The following VPS13D variants were observed in gnomAD, a reference collection of about 807,000 sequenced individuals.
The protein encoded by VPS13D is intermembrane lipid transfer protein VPS13D.
A neutral mutation model predicts 461.9 loss-of-function variants in VPS13D; 187 were observed. The observed-to-expected ratio is 0.40, with a 90% CI of 0.36 to 0.46. The LOEUF (loss-of-function observed/expected upper bound fraction) is 0.46. Among genes scored for constraint, VPS13D ranks in the 20% least tolerant of loss-of-function variants. VPS13D has a pLI of 0.60. For missense variants in VPS13D, 4,711 were observed against 5,364.9 expected (o/e 0.88, Z 3.81); for synonymous variants, 1,951 against 1,986.3 (o/e 0.98, Z 0.47).
chr1:12,388,768 T>C (rs1644383948), intron 60 of VPS13D, among the ~76,000 whole-genome samples: 1 of 151,886 alleles, frequency 6.6e-6, no homozygotes, highest in African/African-American at 2.4e-5. Context: ...TCAAATTGTA[T>C]AAAAAAGCAA....
chr1:12,321,736 C>T (rs1040513697), intron 32 of VPS13D, 73 bp from the exon 33 acceptor site: 2 of 1,482,694 alleles, frequency 1.3e-6, no homozygotes, highest in Admixed American at 4.5e-5. Context: ...TCTGAGATAG[C>T]CTCTTTGTGC....
intron 48 of VPS13D, 106 bp from the exon 49 acceptor site, chr1:12,356,292 T>G (rs1643885186): frequency 2.1e-6 from 3 of 1,448,316 alleles, no homozygotes; most frequent in Non-Finnish European, 2.8e-6. Context: ...CTAAATAGAT[T>G]CAGTTTTCAC....
intron 54 of VPS13D, among the ~76,000 whole-genome samples, chr1:12,371,868 T>C (rs1224482096): frequency 6.6e-6 from 1 of 152,210 alleles, no homozygotes; most frequent in Non-Finnish European, 1.5e-5. Flanking sequence ...GTACTTGTTT[T>C]CAATTCTTTT....
chr1:12,239,758 A>G (rs1640284527), intron 2 of VPS13D, among the ~76,000 whole-genome samples: 1 of 152,080 alleles, frequency 6.6e-6, no homozygotes, highest in Non-Finnish European at 1.5e-5. Flanking sequence ...GAAATGACCT[A>G]CCTCTAAATT....
intron 49 of VPS13D, 115 bp downstream of exon 49, chr1:12,356,639 T>C: frequency 7.3e-7 from 1 of 1,362,890 alleles, no homozygotes; most frequent in African/African-American, 1.5e-5. Flanking sequence ...CAATCCTGAC[T>C]TGGCAGGGGA....
intron 55 of VPS13D, among the ~76,000 whole-genome samples, chr1:12,376,908 G>T (rs1404309536): frequency 6.6e-6 from 1 of 152,178 alleles, no homozygotes; most frequent in Non-Finnish European, 1.5e-5. Flanking sequence ...GAATCAGGCT[G>T]CAGAGATTCA....
intron 32 of VPS13D, 134 bp from the exon 33 acceptor site, chr1:12,321,675 A>G: frequency 1.1e-6 from 1 of 951,082 alleles, no homozygotes; most frequent in Non-Finnish European, 1.5e-6. Context: ...TCTTCACAGT[A>G]TTTATTTCAG....
At chr1:12,439,990 T>C (rs1445482164) in intron 65 of VPS13D, among the ~76,000 whole-genome samples, 1 of 152,222 alleles carries the variant, frequency 6.6e-6, no homozygotes, top group African/African-American at 2.4e-5. Context: ...GCTCTATGAA[T>C]TTGTATGCAC....
intron 14 of VPS13D, among the ~76,000 whole-genome samples, chr1:12,267,233 T>A (rs1641300233): frequency 6.6e-6 from 1 of 152,212 alleles, no homozygotes; most frequent in Non-Finnish European, 1.5e-5. Flanking sequence ...TATTTTGCTC[T>A]GATTTGGAAG....
chr1:12,234,632 T>G (rs1311545089), intron 2 of VPS13D, among the ~76,000 whole-genome samples: 1 of 152,244 alleles, frequency 6.6e-6, no homozygotes, highest in Non-Finnish European at 1.5e-5. Context: ...CAGTTAACTT[T>G]TAGCTTTATG....
chr1:12,230,988 C>T (rs528100843), intron 1 of VPS13D, among the ~76,000 whole-genome samples: 7 of 152,266 alleles, frequency 4.6e-5, no homozygotes, highest in Admixed American at 2.0e-4. Context: ...CGTCCCCGCC[C>T]CGGTTTTGGA....
chr1:12,494,974 G>T (rs1475569344), intron 67 of VPS13D, among the ~76,000 whole-genome samples: 1 of 152,134 alleles, frequency 6.6e-6, no homozygotes, highest in Non-Finnish European at 1.5e-5. Context: ...CCTGACTGCT[G>T]CTCTACCATA....
At chr1:12,392,646 G>A (rs1394765406) in intron 60 of VPS13D, among the ~76,000 whole-genome samples, 2 of 151,888 alleles carry the variant, frequency 1.3e-5, no homozygotes, top group East Asian at 3.9e-4. Context: ...TTCCACCAAA[G>A]CCCAGTAACA....
At chr1:12,370,302 A>G (rs1272709364) in intron 54 of VPS13D, among the ~76,000 whole-genome samples, 1 of 152,240 alleles carries the variant, frequency 6.6e-6, no homozygotes, top group Non-Finnish European at 1.5e-5. Context: ...TAGTCATTCT[A>G]CCAACATATA....
intron 67 of VPS13D, among the ~76,000 whole-genome samples, chr1:12,481,168 G>A (rs1344017169): frequency 6.6e-6 from 1 of 152,206 alleles, no homozygotes; most frequent in Non-Finnish European, 1.5e-5. Context: ...GCCGACTCCT[G>A]GCTGCACCTG....
At chr1:12,336,110 G>T in intron 39 of VPS13D, 1 of 318,086 alleles carries the variant, frequency 3.1e-6, no homozygotes. Context: ...GTGCACCTGA[G>T]AATGCATCAG....
At chr1:12,500,574 A>C (rs1459214644) in intron 68 of VPS13D, among the ~76,000 whole-genome samples, 1 of 152,118 alleles carries the variant, frequency 6.6e-6, no homozygotes, top group Non-Finnish European at 1.5e-5. Context: ...AAGCTGCTCT[A>C]ATGTACTGCT....
At position 12,329,817 on chromosome 1, in the gene VPS13D, C is replaced by T. The variant is rs746943842; in HGVS notation, c.8198-12C>T. The T allele has an allele frequency of 5.0e-6, 8 of 1,613,444 alleles. 1 individual carries two copies. In the South Asian group the frequency reaches 8.8e-5, roughly 18 times the overall value. ...TGCCCTGCCGCTGCAGTAAGGTTTG[C>T]TTTCATTGCAGGTCTGAATTTTCTT... On this transcript the variant is annotated splice_polypyrimidine_tract_variant and intron_variant, in intron 36 of 69. Coordinates refer to ENST00000620676, the MANE Select transcript of VPS13D (RefSeq NM_015378.4).
intron 54 of VPS13D, among the ~76,000 whole-genome samples, chr1:12,373,161 C>G (rs1370718231): frequency 7.4e-6 from 1 of 135,042 alleles, no homozygotes; most frequent in African/African-American, 2.8e-5. Context: ...CATTCTGTCA[C>G]CCAGGCTAGA....
Sources: gnomAD v4.1 joint callset for allele counts (sites outside exome capture counted in the v4.1 genomes callset) on GRCh38, gnomAD v4.1.1 for gene constraint, MANE v1.5 for transcripts, NCBI Gene and HGNC (gene_info 2026-07-23, HGNC 2026-07-21) for gene names.